The following ESRRB variants were observed in gnomAD, a reference collection of about 807,000 sequenced individuals.
ESRRB encodes the protein estrogen related receptor beta.
A neutral mutation model predicts 46.0 loss-of-function variants in ESRRB; 16 were observed. The ratio of observed to expected loss-of-function variants is 0.35; its 90% confidence interval spans 0.24 to 0.53. The LOEUF (loss-of-function observed/expected upper bound fraction) is 0.53, where lower values mean the gene tolerates loss of function less well. Among genes scored for constraint, ESRRB ranks in the 20% least tolerant of loss-of-function variants. The pLI is 0.93. For synonymous variants in ESRRB, 246 were observed against 259.6 expected (o/e 0.95, Z 0.50); for missense variants, 488 against 607.4 (o/e 0.80, Z 2.07).
At chr14:76,390,548 A>G (rs941639640) in intron 1 of ESRRB, among the ~76,000 whole-genome samples, 7 of 152,230 alleles carry the variant, frequency 4.6e-5, no homozygotes, top group African/African-American at 1.7e-4. Context: ...AGCAGAAACT[A>G]GTACACAGTA....
chr14:76,421,351 C>G (rs1263556022), intron 1 of ESRRB, among the ~76,000 whole-genome samples: 1 of 152,100 alleles, frequency 6.6e-6, no homozygotes, highest in Non-Finnish European at 1.5e-5. Context: ...ATGTCTGGTG[C>G]CTCGATTGAT....
chr14:76,312,434 G>A (rs1357320613), intron 1 of ESRRB, among the ~76,000 whole-genome samples: 1 of 151,894 alleles, frequency 6.6e-6, no homozygotes, highest in Non-Finnish European at 1.5e-5. Flanking sequence ...TATTTTGGAC[G>A]GGAGAGTGGG....
chr14:76,354,081 AGCTTTGTGT>A (rs1884346264), intron 1 of ESRRB, among the ~76,000 whole-genome samples: 1 of 152,056 alleles, frequency 6.6e-6, no homozygotes, highest in Non-Finnish European at 1.5e-5. Flanking sequence ...CTCCCTGCTG[AGCTTTGTGT>A]GGCTGGTCCT....
chr14:76,365,105 A>G (rs1201513426), intron 1 of ESRRB, among the ~76,000 whole-genome samples: 1 of 152,218 alleles, frequency 6.6e-6, no homozygotes, highest in African/African-American at 2.4e-5. Context: ...ATTGTTCTCA[A>G]TTTTAAATGC....
rs747948742 is a variant in ESRRB at position 76,324,446 on chromosome 14, A to C, written c.2+13530A>C. Among the ~76,000 whole-genome samples the C allele has an allele frequency of 7.5e-4, 114 of 152,308 alleles. 1 individual carries two copies. The highest frequency in any genetic ancestry group is 4.7e-4 in the Non-Finnish European group (32 of 68,024). On this transcript the variant is annotated intron_variant, in intron 1 of 6. Coordinates refer to the ESRRB transcript ENST00000512784. ...GCCAGAGGGATCTGAGCAGAGCACCAACAGCATCTAGGACAGAGAGACGAT... is the reference window on the plus strand; with the variant it reads ...GCCAGAGGGATCTGAGCAGAGCACCCACAGCATCTAGGACAGAGAGACGAT...
At chr14:76,454,436 G>A (rs1210373830) in intron 2 of ESRRB, among the ~76,000 whole-genome samples, 1 of 152,160 alleles carries the variant, frequency 6.6e-6, no homozygotes, top group Non-Finnish European at 1.5e-5. Flanking sequence ...TGAGTGTGGG[G>A]ATGGGGTGGT....
At chr14:76,391,950 T>C (rs1885486846) in intron 1 of ESRRB, among the ~76,000 whole-genome samples, 1 of 152,202 alleles carries the variant, frequency 6.6e-6, no homozygotes, top group African/African-American at 2.4e-5. Flanking sequence ...CTCCAACTCA[T>C]TCATTGGGAG....
At chr14:76,426,954 G>T (rs902023215) in intron 1 of ESRRB, among the ~76,000 whole-genome samples, 13 of 152,192 alleles carry the variant, frequency 8.5e-5, no homozygotes, top group African/African-American at 3.1e-4. Context: ...GTTTAAGTGC[G>T]AGAAGCCCCC....
chr14:76,324,990 A>G (rs1338923171), intron 1 of ESRRB, among the ~76,000 whole-genome samples: 1 of 107,756 alleles, frequency 9.3e-6, no homozygotes, highest in Admixed American at 1.2e-4. Context: ...TTTTTGAGAC[A>G]GAGTCTTTCT....
intron 2 of ESRRB, among the ~76,000 whole-genome samples, chr14:76,442,734 A>G (rs967152593): frequency 6.6e-6 from 1 of 152,004 alleles, no homozygotes; most frequent in Non-Finnish European, 1.5e-5. Context: ...ATTTAAATAA[A>G]ACAATAATTG....
chr14:76,362,316 G>A (rs1222530687), intron 1 of ESRRB, among the ~76,000 whole-genome samples: 2 of 152,172 alleles, frequency 1.3e-5, no homozygotes, highest in African/African-American at 2.4e-5. Flanking sequence ...GCAAGGATTC[G>A]AGCTTGGGTC....
At chr14:76,407,222 C>T (rs1221863361) in intron 1 of ESRRB, among the ~76,000 whole-genome samples, 1 of 152,192 alleles carries the variant, frequency 6.6e-6, no homozygotes, top group Non-Finnish European at 1.5e-5. Context: ...CAGAGACCAG[C>T]GATCTGAATT....
intron 1 of ESRRB, among the ~76,000 whole-genome samples, chr14:76,330,938 T>A (rs950609023): frequency 1.3e-5 from 2 of 152,044 alleles, no homozygotes; most frequent in African/African-American, 2.4e-5. Context: ...TCAATAGCAG[T>A]AGCAACCCCT....
chr14:76,481,476 C>T (rs975757111), intron 3 of ESRRB, among the ~76,000 whole-genome samples: 1 of 152,194 alleles, frequency 6.6e-6, no homozygotes, highest in Non-Finnish European at 1.5e-5. Flanking sequence ...GTTGCATTCC[C>T]ATCCCCTGGG....
intron 2 of ESRRB, among the ~76,000 whole-genome samples, chr14:76,442,202 G>A (rs1005840061): frequency 3.3e-5 from 5 of 152,284 alleles, no homozygotes; most frequent in South Asian, 2.1e-4. Flanking sequence ...TCAGCTGGGC[G>A]TGGTGGCTCA....
intron 1 of ESRRB, among the ~76,000 whole-genome samples, chr14:76,363,361 C>G (rs931365460): frequency 6.6e-6 from 1 of 152,178 alleles, no homozygotes; most frequent in African/African-American, 2.4e-5. Context: ...TGGACCTGCT[C>G]CAACCAAGCA....
chr14:76,435,836 C>T (rs1566896964), intron 1 of ESRRB, among the ~76,000 whole-genome samples: 1 of 151,888 alleles, frequency 6.6e-6, no homozygotes, highest in Non-Finnish European at 1.5e-5. Flanking sequence ...GTCTCAAAAA[C>T]AAAAAACAAA....
At chr14:76,360,763 T>C (rs531430009) in intron 1 of ESRRB, among the ~76,000 whole-genome samples, 42 of 152,312 alleles carry the variant, frequency 2.8e-4, no homozygotes, top group Non-Finnish European at 5.6e-4. Context: ...GCACTGAATG[T>C]AACAAGACTT....
intron 5 of ESRRB, among the ~76,000 whole-genome samples, chr14:76,485,857 G>C (rs1260526678): frequency 6.6e-6 from 1 of 152,142 alleles, no homozygotes; most frequent in Non-Finnish European, 1.5e-5. Context: ...CGCATCTCAC[G>C]AGAGGGCATT....
Sources: gnomAD v4.1 joint callset for allele counts (sites outside exome capture counted in the v4.1 genomes callset) on GRCh38, gnomAD v4.1.1 for gene constraint, MANE v1.5 for transcripts, NCBI Gene and HGNC (gene_info 2026-07-23, HGNC 2026-07-21) for gene names.